SKIC3: variants seen among roughly 807,000 people sequenced by gnomAD.
The protein encoded by SKIC3 is SKI3 subunit of superkiller complex, also known as superkiller complex protein 3.
chr5:95,480,186 A>C, the SKIC3 span, among the ~76,000 whole-genome samples: 8 of 152,138 alleles, frequency 5.3e-5, no homozygotes, highest in African/African-American at 1.9e-4. Context: ...AGTAAGCAAA[A>C]AGTTCTTAAA....
chr5:95,509,164 T>C, the SKIC3 span, among the ~76,000 whole-genome samples: 3 of 152,126 alleles, frequency 2.0e-5, no homozygotes, highest in African/African-American at 7.2e-5. Flanking sequence ...AACAATTATT[T>C]AGTACCTTCT....
chr5:95,492,683 A>AAAAAAAAAAAAAAAAAC, the SKIC3 span, among the ~76,000 whole-genome samples: 1 of 142,234 alleles, frequency 7.0e-6, no homozygotes, highest in African/African-American at 2.7e-5. Flanking sequence ...AAAAAAAAAA[A>AAAAAAAAAAAAAAAAAC]AAAAAACAAG....
At chr5:95,485,610 G>A in the SKIC3 span, among the ~76,000 whole-genome samples, 1 of 151,982 alleles carries the variant, frequency 6.6e-6, no homozygotes, top group African/African-American at 2.4e-5. Context: ...TGGGTATTAG[G>A]GTAATGCTGG....
chr5:95,464,423 A>T, the SKIC3 span: 2 of 519,004 alleles, frequency 3.9e-6, no homozygotes, highest in Non-Finnish European at 6.8e-6. Flanking sequence ...TTTTTTTCAG[A>T]TTAAAATCAG....
At chr5:95,527,259 TG>T in the SKIC3 span, among the ~76,000 whole-genome samples, 1 of 152,236 alleles carries the variant, frequency 6.6e-6, no homozygotes, top group Non-Finnish European at 1.5e-5. Context: ...AGCAGTCATT[TG>T]TTTTTTTGTG....
At chr5:95,545,141 G>A in the SKIC3 span, among the ~76,000 whole-genome samples, 6 of 152,144 alleles carry the variant, frequency 3.9e-5, no homozygotes, top group South Asian at 4.1e-4. Flanking sequence ...ACAGGAAGAA[G>A]ACAGCTATGG....
chr5:95,522,240 A>C, the SKIC3 span: 4 of 1,613,694 alleles, frequency 2.5e-6, no homozygotes, highest in Non-Finnish European at 3.4e-6. Context: ...CCTCTGCTTA[A>C]GTATGCTTCT....
the SKIC3 span, chr5:95,469,980 TC>T: frequency 6.5e-6 from 10 of 1,530,898 alleles, no homozygotes; most frequent in South Asian, 4.7e-5. Context: ...TCAATTCAAT[TC>T]TTTTTTTTTT....
the SKIC3 span, chr5:95,468,037 A>T: frequency 6.2e-7 from 1 of 1,606,756 alleles, no homozygotes; most frequent in Non-Finnish European, 8.5e-7. Context: ...AAATTACCAT[A>T]AGATATTTCC....
At chr5:95,480,544 G>C in the SKIC3 span, among the ~76,000 whole-genome samples, 1 of 152,158 alleles carries the variant, frequency 6.6e-6, no homozygotes. Flanking sequence ...GGAAAAACAT[G>C]ACAATCTAGC....
At chr5:95,495,193 A>T in the SKIC3 span, 1 of 610,752 alleles carries the variant, frequency 1.6e-6, no homozygotes, top group Non-Finnish European at 2.8e-6. Context: ...AAAGACTAAT[A>T]ATCTTGTGAA....
chr5:95,525,046 G>A, the SKIC3 span, among the ~76,000 whole-genome samples: 1 of 152,068 alleles, frequency 6.6e-6, no homozygotes, highest in Non-Finnish European at 1.5e-5. Context: ...ACCACGCCCA[G>A]CTACTTTTTG....
the SKIC3 span, among the ~76,000 whole-genome samples, chr5:95,505,334 T>C: frequency 3.9e-5 from 6 of 152,322 alleles, no homozygotes; most frequent in African/African-American, 1.2e-4. Context: ...ATAAAATCAA[T>C]ACTCAAATTT....
the SKIC3 span, among the ~76,000 whole-genome samples, chr5:95,544,798 A>C: frequency 6.6e-6 from 1 of 152,204 alleles, no homozygotes; most frequent in Non-Finnish European, 1.5e-5. Flanking sequence ...ATTATCAACA[A>C]TGTGGTGAAG....
At chr5:95,495,266 T>C in the SKIC3 span, 14 of 458,202 alleles carry the variant, frequency 3.1e-5, no homozygotes, top group African/African-American at 1.2e-4. Flanking sequence ...GTTCAAAAGT[T>C]ATATAATTTT....
chr5:95,477,185 A>G, the SKIC3 span, among the ~76,000 whole-genome samples: 1 of 149,812 alleles, frequency 6.7e-6, no homozygotes, highest in African/African-American at 2.5e-5. Flanking sequence ...AAAATAGTGA[A>G]CTACAATTAG....
At chr5:95,514,963 T>G in the SKIC3 span, 8 of 1,595,002 alleles carry the variant, frequency 5.0e-6, no homozygotes, top group Non-Finnish European at 6.9e-6. Context: ...CAAGTCATTT[T>G]ATAAACTTAT....
chr5:95,525,324 A>G, the SKIC3 span: 1 of 1,309,866 alleles, frequency 7.6e-7, no homozygotes, highest in East Asian at 2.3e-5. Flanking sequence ...CATCAAGCCT[A>G]CTCATTTTGA....
At chr5:95,551,503 T>C in the SKIC3 span, among the ~76,000 whole-genome samples, 2 of 152,310 alleles carry the variant, frequency 1.3e-5, no homozygotes, top group African/African-American at 4.8e-5. Context: ...GAAAGTATGG[T>C]AATCCAAACA....
Sources: allele counts gnomAD v4.1 joint callset (sites outside exome capture counted in the v4.1 genomes callset), GRCh38; gene constraint gnomAD v4.1.1; transcripts MANE v1.5; gene names NCBI Gene and HGNC (gene_info 2026-07-23, HGNC 2026-07-21).